Variants in PTPRN2 observed in about 807,000 individuals in gnomAD.
PTPRN2 encodes receptor-type tyrosine-protein phosphatase N2.
Under a neutral mutation model 118.8 loss-of-function variants are expected in PTPRN2, and 74 were observed. The observed-to-expected ratio is 0.62, with a 90% confidence interval of 0.52 to 0.76. The LOEUF is 0.76. Among genes scored for constraint, PTPRN2 ranks in the 30% least tolerant of loss-of-function variants. PTPRN2 has a pLI of 0.00. For missense variants in PTPRN2, 1,481 were observed against 1,394.4 expected, an observed-to-expected ratio of 1.06 and a Z score of -0.99; for synonymous variants, 641 against 608.0, an observed-to-expected ratio of 1.05 and a Z score of -0.80.
rs1817102370 is a variant in PTPRN2 at position 158,441,194 on chromosome 7, GAT to G, written c.163+48539_163+48540del. ...CAGTGGTGGCAGTGGTGGTGATAGT[GAT>G]GGTGATGGTGGTGGTGGTGATGGTG... On this transcript the variant is annotated intron_variant, in intron 2 of 22. Transcript: ENST00000389418. Among the ~76,000 whole-genome samples, 14 of 146,750 alleles carry G rather than the reference GAT, an allele frequency of 9.5e-5. 1 individual carries two copies. The highest frequency in any genetic ancestry group is 1.5e-5 in the Non-Finnish European group (1 of 66,098).
chr7:158,164,458 G>A (rs1320423680), intron 6 of PTPRN2, among the ~76,000 whole-genome samples: 1 of 141,056 alleles, frequency 7.1e-6, no homozygotes, highest in Non-Finnish European at 1.6e-5. Context: ...AGGACACGCA[G>A]AGCAGGAGCG....
rs1281498182 is a variant in PTPRN2 at position 157,673,509 on chromosome 7, C to T, written c.2001+9216G>A. Among the ~76,000 whole-genome samples, 4 of 152,082 alleles carry T rather than the reference C, an allele frequency of 2.6e-5. No individual in the cohort carries two copies. In the South Asian group the frequency reaches 8.3e-4, roughly 32 times the overall value. On this transcript the variant is annotated intron_variant, in intron 13 of 22. Transcript: ENST00000389418. ...GAAATGCCTGACTCTGCCCACCTCA[C>T]GTCCACATAAACCTGAAAAAATGGG...
intron 13 of PTPRN2, among the ~76,000 whole-genome samples, chr7:157,664,793 G>A (rs937951461): frequency 1.3e-5 from 2 of 152,188 alleles, no homozygotes; most frequent in South Asian, 2.1e-4. Context: ...CTATGATCTC[G>A]AGAGCATTTT....
At chr7:158,056,172 C>T (rs911583073) in intron 11 of PTPRN2, among the ~76,000 whole-genome samples, 6 of 152,220 alleles carry the variant, frequency 3.9e-5, no homozygotes, top group African/African-American at 9.6e-5. Flanking sequence ...TGGTAACTCC[C>T]GCAGGTCCTG....
chr7:157,867,665 G>C (rs929719278), intron 12 of PTPRN2, among the ~76,000 whole-genome samples: 6 of 152,196 alleles, frequency 3.9e-5, no homozygotes, highest in African/African-American at 1.4e-4. Context: ...GGCAAAAAGA[G>C]TGAACTAGAT....
intron 11 of PTPRN2, among the ~76,000 whole-genome samples, chr7:158,021,397 C>T (rs1228420958): frequency 6.6e-6 from 1 of 152,076 alleles, no homozygotes; most frequent in African/African-American, 2.4e-5. Context: ...AGGACAAGAC[C>T]ATGAGAAACT....
At chr7:158,311,610 C>G (rs567581699) in intron 3 of PTPRN2, among the ~76,000 whole-genome samples, 2 of 152,214 alleles carry the variant, frequency 1.3e-5, no homozygotes, top group African/African-American at 2.4e-5. Context: ...AAATTAACTC[C>G]CATTTACCCT....
At chr7:157,665,804 A>G (rs1406046307) in intron 13 of PTPRN2, among the ~76,000 whole-genome samples, 2 of 152,262 alleles carry the variant, frequency 1.3e-5, no homozygotes, top group Non-Finnish European at 2.9e-5. Flanking sequence ...CTATGCAGCC[A>G]TAAAAAAGGA....
At chr7:158,278,850 C>T (rs889723394) in intron 3 of PTPRN2, among the ~76,000 whole-genome samples, 3 of 152,128 alleles carry the variant, frequency 2.0e-5, no homozygotes, top group Non-Finnish European at 4.4e-5. Flanking sequence ...CCAGTGGGTT[C>T]GTGGTCTCTA....
intron 2 of PTPRN2, among the ~76,000 whole-genome samples, chr7:158,452,127 G>A (rs1240160188): frequency 2.6e-5 from 4 of 151,990 alleles, no homozygotes; most frequent in East Asian, 1.9e-4. Flanking sequence ...CAATCTGCCC[G>A]TCTGTTCCCC....
At chr7:157,685,913 G>C (rs1797164149) in intron 12 of PTPRN2, among the ~76,000 whole-genome samples, 1 of 152,136 alleles carries the variant, frequency 6.6e-6, no homozygotes, top group African/African-American at 2.4e-5. Context: ...CCCAGCAGAG[G>C]AGGGGTGGGA....
Position 157,587,266 on chromosome 7 carries a change from A to T in PTPRN2, c.2496+7972T>A, listed in dbSNP as rs1563236616. On this transcript the variant is annotated intron_variant, in intron 17 of 22. Transcript: ENST00000389418. The surrounding 1 kb of genome is among the most constrained non-coding windows in gnomAD (Gnocchi z 5.3). ...GCGAGACAGGCAGACAGACAGGCAG[A>T]CAAACAGGCAGACAGGCAGACGAGC... Among the ~76,000 whole-genome samples the T allele has an allele frequency of 7.2e-6, 1 of 139,110 alleles. No individual in the cohort carries two copies. Among genetic ancestry groups the T allele is most frequent in the African/African-American group, 2.9e-5 (1 of 34,006 alleles). The allele number at this position is 139,110 out of a possible 152,430, so 91.3% of individuals were successfully genotyped here. A position where few individuals can be genotyped will look rare whatever the true frequency, so the allele number is the denominator to read the frequency against.
intron 11 of PTPRN2, among the ~76,000 whole-genome samples, chr7:157,985,202 G>A (rs945996517): frequency 6.6e-6 from 1 of 152,178 alleles, no homozygotes; most frequent in South Asian, 2.1e-4. Flanking sequence ...CACATAAAAA[G>A]CGTGCACCTG....
intron 2 of PTPRN2, among the ~76,000 whole-genome samples, chr7:158,415,828 C>T (rs1272846179): frequency 6.6e-6 from 1 of 152,190 alleles, no homozygotes; most frequent in Non-Finnish European, 1.5e-5. Context: ...GTTTTAGTCA[C>T]TAAGAAGGGA....
chr7:158,341,979 ACT>A (rs1411293629), intron 2 of PTPRN2, among the ~76,000 whole-genome samples: 2 of 146,246 alleles, frequency 1.4e-5, no homozygotes, highest in African/African-American at 2.6e-5. Context: ...TCACACCCAC[ACT>A]CTCACCATAA....
chr7:158,436,607 T>C (rs1816588132), intron 2 of PTPRN2, among the ~76,000 whole-genome samples: 1 of 152,092 alleles, frequency 6.6e-6, no homozygotes, highest in South Asian at 2.1e-4. Context: ...GAGTCATCTG[T>C]TGATGGAGTC....
intron 3 of PTPRN2, among the ~76,000 whole-genome samples, chr7:158,273,611 CGGGG>C (rs1798693732): frequency 2.1e-5 from 1 of 47,866 alleles, no homozygotes; most frequent in Admixed American, 2.5e-4. Context: ...GCCGCAGACA[CGGGG>C]AGCCGCAGGC....
At chr7:157,594,210 G>A (rs143492735) in intron 17 of PTPRN2, among the ~76,000 whole-genome samples, 1 of 152,368 alleles carries the variant, frequency 6.6e-6, no homozygotes, top group African/African-American at 2.4e-5. Flanking sequence ...AGAGAGAGGA[G>A]GCTCCCCTTC....
intron 2 of PTPRN2, among the ~76,000 whole-genome samples, chr7:158,330,941 G>C (rs72505559): frequency 0.05 from 1,048 of 21,086 alleles, 58 homozygotes; most frequent in African/African-American, 0.11. Flanking sequence ...ACACTCTCAC[G>C]ATAAGAGCTG....
Sources: gnomAD v4.1 joint callset for allele counts (sites outside exome capture counted in the v4.1 genomes callset) on GRCh38, gnomAD v4.1.1 for gene constraint, Gnocchi (gnomAD v3.1) non-coding constraint, MANE v1.5 for transcripts, NCBI Gene and HGNC (gene_info 2026-07-23, HGNC 2026-07-21) for gene names.